The following MYO1H variants were observed in gnomAD, a reference collection of about 807,000 sequenced individuals.
The protein encoded by MYO1H is myosin IH, also known as unconventional myosin-Ih.
In MYO1H, 118 loss-of-function variants were observed where a neutral mutation model predicts 149.3. The ratio of observed to expected loss-of-function variants is 0.79; its 90% CI spans 0.68 to 0.92. MYO1H has a LOEUF of 0.92. Among genes scored for constraint, MYO1H ranks in the 40% least tolerant of loss-of-function variants. MYO1H has a pLI of 0.00. For missense variants in MYO1H, 1,212 were observed against 1,280.7 expected, an observed-to-expected ratio of 0.95 and a Z score of 0.82; for synonymous variants, 447 against 465.2, an observed-to-expected ratio of 0.96 and a Z score of 0.50.
At chr12:109,335,456 G>A in the MYO1H span, among the ~76,000 whole-genome samples, 1 of 152,042 alleles carries the variant, frequency 6.6e-6, no homozygotes, top group South Asian at 2.1e-4. Context: ...CCCCAGCATT[G>A]GGGATTACAT....
At chr12:109,351,994 A>G (rs1266636158) in intron 1 of MYO1H, among the ~76,000 whole-genome samples, 2 of 152,150 alleles carry the variant, frequency 1.3e-5, no homozygotes, top group Non-Finnish European at 2.9e-5. Context: ...CTAGACATTC[A>G]GGATTCCATA....
At chr12:109,310,475 G>A in the MYO1H span, among the ~76,000 whole-genome samples, 1 of 152,234 alleles carries the variant, frequency 6.6e-6, no homozygotes, top group Admixed American at 6.5e-5. Flanking sequence ...CCCAGCTCGC[G>A]TACTGCACGT....
chr12:109,319,632 G>C, the MYO1H span, among the ~76,000 whole-genome samples: 1 of 152,152 alleles, frequency 6.6e-6, no homozygotes, highest in East Asian at 1.9e-4. Flanking sequence ...AATTATACAA[G>C]TTAGGAAAAC....
At chr12:109,371,345 T>C (rs1868980714) in intron 1 of MYO1H, among the ~76,000 whole-genome samples, 1 of 151,576 alleles carries the variant, frequency 6.6e-6, no homozygotes, top group Non-Finnish European at 1.5e-5. Context: ...GCCTCCTAAG[T>C]AGCTGGGACT....
At chr12:109,405,589 C>G (rs191626987) in intron 7 of MYO1H, among the ~76,000 whole-genome samples, 4 of 152,280 alleles carry the variant, frequency 2.6e-5, no homozygotes, top group African/African-American at 7.2e-5. Context: ...GGATTACAGG[C>G]GTGAGCCACC....
intron 15 of MYO1H, among the ~76,000 whole-genome samples, chr12:109,419,381 G>A (rs960097732): frequency 1.3e-5 from 2 of 152,018 alleles, no homozygotes; most frequent in African/African-American, 4.8e-5. Context: ...CTTCTCTGTA[G>A]CACCAGGAAT....
the MYO1H span, among the ~76,000 whole-genome samples, chr12:109,322,891 G>A: frequency 6.7e-6 from 1 of 148,882 alleles, no homozygotes; most frequent in African/African-American, 2.5e-5. Context: ...GGCAGATCAC[G>A]AGGTCAGGAG....
chr12:109,371,372 G>A (rs765153435), intron 1 of MYO1H, among the ~76,000 whole-genome samples: 3 of 151,704 alleles, frequency 2.0e-5, no homozygotes, highest in African/African-American at 4.8e-5. Flanking sequence ...GTGTGCCATC[G>A]CACCTGGCTC....
At chr12:109,431,374 C>T (rs774261802) in intron 19 of MYO1H, among the ~76,000 whole-genome samples, 20 of 151,996 alleles carry the variant, frequency 1.3e-4, no homozygotes, top group South Asian at 4.2e-4. Flanking sequence ...AGCAAGACTC[C>T]GTCTCAAAAA....
chr12:109,394,118 G>T (rs556038687), intron 3 of MYO1H, among the ~76,000 whole-genome samples: 1 of 152,246 alleles, frequency 6.6e-6, no homozygotes, highest in Non-Finnish European at 1.5e-5. Context: ...GCAAGTTTTT[G>T]AAAATACATA....
Position 109,443,196 on chromosome 12 carries a change from ATGTGTGTATATGTGTACGTATATG to A in MYO1H, c.2689-246_2689-223del, listed in dbSNP as rs1592823671. ...CGTATGTGTGTATATGTGTACGTAT[ATGTGTGTATATGTGTACGTATATG>A]TGTGTGTATATGTGTACGTATATGT... On this transcript the variant is annotated intron_variant, in intron 27 of 31. Transcript: ENST00000310903. Among the ~76,000 whole-genome samples the A allele has an allele frequency of 2.1e-4, 20 of 95,706 alleles. 3 individuals are homozygous for A. Among genetic ancestry groups the A allele is most frequent in the South Asian group, 2.7e-4 (1 of 3,762 alleles). 62.8% of individuals were successfully genotyped at this position (95,706 alleles called of 152,430 possible).
intron 30 of MYO1H, 45 bp from the exon 31 acceptor site, chr12:109,445,468 A>G: frequency 7.0e-7 from 1 of 1,425,318 alleles, no homozygotes; most frequent in Non-Finnish European, 9.7e-7. Flanking sequence ...GGTTGAGAGA[A>G]GAAAATACAG....
intron 1 of MYO1H, among the ~76,000 whole-genome samples, chr12:109,351,837 T>C (rs964824320): frequency 6.6e-6 from 1 of 152,218 alleles, no homozygotes; most frequent in Non-Finnish European, 1.5e-5. Context: ...CACAAAATTA[T>C]TTCATTTAGT....
rs768669849 is a variant in MYO1H, at chr12:109,433,058, G to C, written c.2063+48G>C. On this transcript the variant is annotated intron_variant, in intron 20 of 31. Transcript: ENST00000310903. ...AATGGTCTCTTCCCTTGACATCAAA[G>C]GGTTTTGTGCATTGATCCGTATCCA... The C allele has an allele frequency of 4.5e-5, 67 of 1,493,106 alleles. No homozygotes were observed. The East Asian group carries it at 1.5e-3, about 34-fold the overall frequency. 92.5% of individuals were successfully genotyped at this position (1,493,106 alleles called of 1,614,324 possible).
upstream of MYO1H, among the ~76,000 whole-genome samples, chr12:109,343,705 G>A (rs1380163935): frequency 6.6e-6 from 1 of 152,100 alleles, no homozygotes; most frequent in Admixed American, 6.5e-5. Context: ...TGTGTTTTAA[G>A]CAATACATGT....
intron 24 of MYO1H, 60 bp from the exon 25 acceptor site, chr12:109,440,684 G>A (rs937197232): frequency 3.3e-5 from 41 of 1,233,668 alleles, no homozygotes; most frequent in Admixed American, 1.1e-4. Flanking sequence ...CATTTTGATC[G>A]CCACAGCCCC....
At chr12:109,384,278 G>A (rs1189537934) in intron 1 of MYO1H, among the ~76,000 whole-genome samples, 1 of 152,190 alleles carries the variant, frequency 6.6e-6, no homozygotes. Context: ...CTGCACCATG[G>A]TTATGCACAG....
chr12:109,380,527 C>T (rs1364500368), intron 1 of MYO1H, among the ~76,000 whole-genome samples: 1 of 152,174 alleles, frequency 6.6e-6, no homozygotes, highest in Non-Finnish European at 1.5e-5. Context: ...TCAGTAATCC[C>T]ACTGGTGACA....
exon 28 of MYO1H, chr12:109,443,530 T>TTAAATATGACAG: frequency 1.2e-6 from 2 of 1,613,812 alleles, no homozygotes; most frequent in East Asian, 4.5e-5. Context: ...GTCCCGGTCA[T>TTAAATATGACAG]TAAATATGAC....
Sources: gnomAD v4.1 joint callset for allele counts (sites outside exome capture counted in the v4.1 genomes callset) on GRCh38, gnomAD v4.1.1 for gene constraint, MANE v1.5 for transcripts, NCBI Gene and HGNC (gene_info 2026-07-23, HGNC 2026-07-21) for gene names.